Variants in PPP1R9A observed in about 807,000 individuals in gnomAD.
PPP1R9A encodes protein phosphatase 1 regulatory subunit 9A.
PPP1R9A carries 59 observed loss-of-function variants against 141.9 expected under a neutral mutation model. The observed-to-expected ratio is 0.42, with a 90% CI of 0.34 to 0.52. The LOEUF (loss-of-function observed/expected upper bound fraction) is 0.52, where lower values mean the gene tolerates loss of function less well. PPP1R9A is among the 20% of genes least tolerant of loss of function. The pLI is 0.10. For missense variants in PPP1R9A, 1,444 were observed against 1,611.9 expected (o/e 0.90, Z 1.78); for synonymous variants, 500 against 569.7 (o/e 0.88, Z 1.74).
chr7:94,910,692 C>T lies in PPP1R9A; in HGVS notation c.579C>T (p.Ser193=). Residue 193 remains serine (S), a synonymous_variant, in exon 2 of 20, where the codon TCC becomes TCT. Coordinates refer to ENST00000433360, the MANE Select transcript of PPP1R9A (RefSeq NM_001166160.2). This position sits in a 1 kb window ranked among gnomAD's most constrained non-coding sequence, Gnocchi z 4.5. The part of the protein sequence containing the change: ...GSTDSLDSLS[S]RTEAVSPTVS... ...CTGATTCCTTGGACAGCCTTAGCTCCCGAACTGAGGCTGTCTCCCCAACTG... is the reference window on the plus strand; with the variant it reads ...CTGATTCCTTGGACAGCCTTAGCTCTCGAACTGAGGCTGTCTCCCCAACTG... 3.1e-6 allele frequency: 5 copies of T among 1,614,128 alleles called. No individual in the cohort carries two copies. The highest frequency in any genetic ancestry group is 3.4e-6 in the Non-Finnish European group (4 of 1,180,008).
At chr7:95,104,713 T>G (rs1431840513) in intron 2 of PPP1R9A, among the ~76,000 whole-genome samples, 1 of 152,186 alleles carries the variant, frequency 6.6e-6, no homozygotes, top group Non-Finnish European at 1.5e-5. Context: ...AACCTTAATT[T>G]GGGGGAAGAA....
At chr7:95,190,189 G>C (rs137987006) in intron 5 of PPP1R9A, among the ~76,000 whole-genome samples, 1 of 152,192 alleles carries the variant, frequency 6.6e-6, no homozygotes, top group Non-Finnish European at 1.5e-5. Flanking sequence ...AAGGGCTGCT[G>C]TTCAGATTCT....
intron 2 of PPP1R9A, among the ~76,000 whole-genome samples, chr7:94,979,334 A>G (rs1046066579): frequency 1.3e-5 from 2 of 152,212 alleles, no homozygotes; most frequent in Non-Finnish European, 2.9e-5. Flanking sequence ...TATCCTGTAT[A>G]TCTCCATTAG....
intron 2 of PPP1R9A, among the ~76,000 whole-genome samples, chr7:95,083,691 G>T (rs1049978068): frequency 6.6e-6 from 1 of 151,966 alleles, no homozygotes. Flanking sequence ...AGACTTTAGT[G>T]TAGAAGTCTC....
chr7:95,053,899 C>T (rs1338109187), intron 2 of PPP1R9A, among the ~76,000 whole-genome samples: 1 of 152,092 alleles, frequency 6.6e-6, no homozygotes, highest in Admixed American at 6.6e-5. Flanking sequence ...AAGTATATAG[C>T]GTTCAGCTCA....
chr7:95,035,106 A>C (rs1338666460), intron 2 of PPP1R9A, among the ~76,000 whole-genome samples: 1 of 152,124 alleles, frequency 6.6e-6, no homozygotes, highest in Non-Finnish European at 1.5e-5. Context: ...GATAATGAGA[A>C]ATCTGAAGCA....
At chr7:95,154,866 C>T (rs1829333467) in intron 4 of PPP1R9A, 1 of 152,100 alleles carries the variant, frequency 6.6e-6, no homozygotes, top group Non-Finnish European at 1.5e-5. Context: ...TATTTGGATA[C>T]ACAAATAGAG....
intron 2 of PPP1R9A, among the ~76,000 whole-genome samples, chr7:95,075,580 A>T (rs1334128623): frequency 6.6e-6 from 1 of 152,170 alleles, no homozygotes; most frequent in African/African-American, 2.4e-5. Context: ...CCTGTAAAGT[A>T]ATCCCAGCAC....
At chr7:95,085,378 G>A (rs1402762799) in intron 2 of PPP1R9A, among the ~76,000 whole-genome samples, 1 of 150,962 alleles carries the variant, frequency 6.6e-6, no homozygotes, top group African/African-American at 2.4e-5. Flanking sequence ...AGGATTATAG[G>A]CATGAGCCAC....
intron 2 of PPP1R9A, among the ~76,000 whole-genome samples, chr7:95,082,868 G>A (rs1308656662): frequency 1.4e-5 from 2 of 143,776 alleles, no homozygotes; most frequent in Non-Finnish European, 1.5e-5. Flanking sequence ...CCATTCTCCT[G>A]CCTCAGCCTC....
chr7:95,041,856 C>T (rs945760779), intron 2 of PPP1R9A, among the ~76,000 whole-genome samples: 2 of 151,918 alleles, frequency 1.3e-5, no homozygotes, highest in South Asian at 2.1e-4. Context: ...GTGAGACTTC[C>T]AGAACCTGTG....
intron 2 of PPP1R9A, among the ~76,000 whole-genome samples, chr7:95,089,256 A>G (rs1584629057): frequency 6.6e-6 from 1 of 152,034 alleles, no homozygotes; most frequent in Non-Finnish European, 1.5e-5. Flanking sequence ...ATGCTTTTTA[A>G]TGCATACAAT....
rs192997691 is a variant in PPP1R9A at position 95,038,678 on chromosome 7, T to G, written c.1396-72581T>G. On this transcript the variant is annotated intron_variant, in intron 2 of 19. Coordinates refer to ENST00000433360, the MANE Select transcript of PPP1R9A (RefSeq NM_001166160.2). Reference sequence around the variant, plus strand: ...TGGAAAAAACAATTCATGAAAAAACTTGTAAAGGTCACAGGCTAGAGACAA... The same window carrying G: ...TGGAAAAAACAATTCATGAAAAAACGTGTAAAGGTCACAGGCTAGAGACAA... Among the ~76,000 whole-genome samples the G allele has an allele frequency of 1.5e-3, 231 of 152,254 alleles. 2 individuals are homozygous for G. The highest frequency in any genetic ancestry group is 5.0e-3 in the African/African-American group (206 of 41,556).
chr7:95,126,249 C>T (rs558470616), intron 4 of PPP1R9A, among the ~76,000 whole-genome samples: 2 of 152,046 alleles, frequency 1.3e-5, no homozygotes, highest in Admixed American at 6.6e-5. Context: ...ACAAAAGCCC[C>T]GTGAGGTAGG....
chr7:95,013,766 T>C (rs951509753), intron 2 of PPP1R9A, among the ~76,000 whole-genome samples: 1 of 152,140 alleles, frequency 6.6e-6, no homozygotes, highest in Non-Finnish European at 1.5e-5. Context: ...AAGGTAGAAG[T>C]GATTTAAAAA....
chr7:95,081,833 G>A (rs944942164), intron 2 of PPP1R9A, among the ~76,000 whole-genome samples: 1 of 152,156 alleles, frequency 6.6e-6, no homozygotes, highest in African/African-American at 2.4e-5. Context: ...AGCTCTGTAA[G>A]AACAGCAAAT....
intron 2 of PPP1R9A, among the ~76,000 whole-genome samples, chr7:95,002,439 G>A (rs1803068597): frequency 6.6e-6 from 1 of 152,146 alleles, no homozygotes; most frequent in African/African-American, 2.4e-5. Flanking sequence ...TAGGACACGT[G>A]AAGATGGGAA....
At chr7:94,913,426 C>T (rs1791690196) in intron 2 of PPP1R9A, among the ~76,000 whole-genome samples, 1 of 152,124 alleles carries the variant, frequency 6.6e-6, no homozygotes, top group South Asian at 2.1e-4. Context: ...ACATTACCTA[C>T]ATTTAATGCA....
intron 8 of PPP1R9A, among the ~76,000 whole-genome samples, chr7:95,246,779 G>T (rs1798175072): frequency 6.6e-6 from 1 of 151,442 alleles, no homozygotes; most frequent in Non-Finnish European, 1.5e-5. Flanking sequence ...CCCTTACAAA[G>T]AAAACAAAGC....
Sources: gnomAD v4.1 joint callset for allele counts (sites outside exome capture counted in the v4.1 genomes callset) on GRCh38, gnomAD v4.1.1 for gene constraint, Gnocchi (gnomAD v3.1) non-coding constraint, MANE v1.5 for transcripts, NCBI Gene and HGNC (gene_info 2026-07-23, HGNC 2026-07-21) for gene names.